Variants in TAS2R1 observed in about 807,000 individuals in gnomAD.
TAS2R1 encodes the protein taste receptor type 2 member 1.
For missense variants in TAS2R1, 370 were observed against 353.4 expected (o/e 1.05, Z -0.38); for synonymous variants, 141 against 134.2 (o/e 1.05, Z -0.35).
the TAS2R1 span, among the ~76,000 whole-genome samples, chr5:9,779,378 G>A: frequency 6.6e-6 from 1 of 152,186 alleles, no homozygotes; most frequent in Non-Finnish European, 1.5e-5. Flanking sequence ...ATTACTCAGT[G>A]TCAGGTATTC....
the TAS2R1 span, among the ~76,000 whole-genome samples, chr5:9,836,488 C>T: frequency 6.7e-6 from 1 of 148,580 alleles, no homozygotes; most frequent in Non-Finnish European, 1.5e-5. Flanking sequence ...AGCATCCCTC[C>T]ATACGCCCCA....
Position 9,678,171 on chromosome 5 carries a change from A to G in TAS2R1, c.-241-18590T>C, listed in dbSNP as rs147710223. Among the ~76,000 whole-genome samples the G allele has an allele frequency of 1.2e-3, 189 of 152,304 alleles. 1 individual carries two copies. Among genetic ancestry groups the G allele is most frequent in the African/African-American group, 4.4e-3 (181 of 41,558 alleles). ...GAAGACATTAATGCAGCTAACAAAC[A>G]TATGAAAAAAACCTCAACATCACTG... On this transcript the variant is annotated intron_variant, in intron 1 of 2. Coordinates refer to the TAS2R1 transcript ENST00000506620.
the TAS2R1 span, among the ~76,000 whole-genome samples, chr5:9,894,517 A>G: frequency 6.6e-6 from 1 of 152,250 alleles, no homozygotes; most frequent in Non-Finnish European, 1.5e-5. Flanking sequence ...AGCCATCTGC[A>G]AACCCTGGAG....
upstream of TAS2R1, among the ~76,000 whole-genome samples, chr5:9,715,838 T>G (rs1214148480): frequency 2.0e-5 from 3 of 152,130 alleles, no homozygotes; most frequent in Middle Eastern, 6.3e-3. Context: ...ATGCCTTCAG[T>G]GAGCAGGGAA....
chr5:9,816,195 T>A, the TAS2R1 span, among the ~76,000 whole-genome samples: 1 of 151,810 alleles, frequency 6.6e-6, no homozygotes. Context: ...CTATACACTG[T>A]TTTGATTCTT....
At chr5:9,663,530 C>T (rs888104877) in intron 1 of TAS2R1, among the ~76,000 whole-genome samples, 1 of 152,058 alleles carries the variant, frequency 6.6e-6, no homozygotes, top group African/African-American at 2.4e-5. Context: ...TACCTGAACC[C>T]AAATTAGGGA....
At chr5:9,719,929 A>AC in the TAS2R1 span, among the ~76,000 whole-genome samples, 1 of 140,098 alleles carries the variant, frequency 7.1e-6, no homozygotes, top group African/African-American at 2.7e-5. Context: ...AAAAAAAAAA[A>AC]AAAAAAAAAC....
At chr5:9,728,973 A>G in the TAS2R1 span, among the ~76,000 whole-genome samples, 9 of 152,190 alleles carry the variant, frequency 5.9e-5, no homozygotes, top group Non-Finnish European at 1.5e-5. Flanking sequence ...TGAGGAGACA[A>G]AGCCTGAGCT....
At chr5:9,701,223 C>CAT (rs1191091825) in intron 1 of TAS2R1, among the ~76,000 whole-genome samples, 2 of 4,194 alleles carry the variant, frequency 4.8e-4, no homozygotes, top group Admixed American at 3.0e-3. Context: ...GACACGCAGA[C>CAT]ACACACACAC....
intron 1 of TAS2R1, among the ~76,000 whole-genome samples, chr5:9,691,562 G>A (rs1462787916): frequency 1.3e-5 from 2 of 152,244 alleles, no homozygotes; most frequent in Non-Finnish European, 2.9e-5. Flanking sequence ...AGATGAGCAT[G>A]CCCTTATTTC....
At chr5:9,736,797 T>C in the TAS2R1 span, among the ~76,000 whole-genome samples, 1 of 152,140 alleles carries the variant, frequency 6.6e-6, no homozygotes, top group African/African-American at 2.4e-5. Context: ...GAGCTCCACC[T>C]TGTCAAGTAT....
chr5:9,757,475 G>T, the TAS2R1 span, among the ~76,000 whole-genome samples: 1 of 152,142 alleles, frequency 6.6e-6, no homozygotes, highest in African/African-American at 2.4e-5. Context: ...GAATAGCACG[G>T]CTCATGAACA....
chr5:9,763,628 T>C, the TAS2R1 span, among the ~76,000 whole-genome samples: 10 of 152,160 alleles, frequency 6.6e-5, no homozygotes. Context: ...ATGAACCAGA[T>C]GTGCAGCAAC....
At chr5:9,825,907 G>T in the TAS2R1 span, among the ~76,000 whole-genome samples, 1 of 151,802 alleles carries the variant, frequency 6.6e-6, no homozygotes, top group Non-Finnish European at 1.5e-5. Flanking sequence ...ACCTTTCTTG[G>T]CCTGAAATAA....
chr5:9,725,347 T>C, the TAS2R1 span, among the ~76,000 whole-genome samples: 1 of 152,196 alleles, frequency 6.6e-6, no homozygotes, highest in Non-Finnish European at 1.5e-5. Context: ...CGCGCGGAGC[T>C]TGTGGGCCAG....
At chr5:9,702,378 G>A (rs993834518) in intron 1 of TAS2R1, among the ~76,000 whole-genome samples, 1 of 152,134 alleles carries the variant, frequency 6.6e-6, no homozygotes, top group Non-Finnish European at 1.5e-5. Context: ...GGAGAGGGTT[G>A]CAACTGGCAT....
the TAS2R1 span, among the ~76,000 whole-genome samples, chr5:9,840,885 T>C: frequency 2.1e-5 from 2 of 96,834 alleles, no homozygotes; most frequent in East Asian, 3.1e-4. Context: ...TTTTTTTTTT[T>C]TTTTTTTTGA....
the TAS2R1 span, among the ~76,000 whole-genome samples, chr5:9,781,050 T>C: frequency 2.6e-5 from 4 of 152,338 alleles, no homozygotes; most frequent in Non-Finnish European, 2.9e-5. Context: ...ATATATTTTA[T>C]GTAGGATATA....
chr5:9,779,093 G>A, the TAS2R1 span, among the ~76,000 whole-genome samples: 182 of 152,328 alleles, frequency 1.2e-3, 5 homozygotes, highest in East Asian at 0.033. Context: ...TTTGGGCCAT[G>A]GTGGCATATC....
Sources: allele counts gnomAD v4.1 joint callset (sites outside exome capture counted in the v4.1 genomes callset), GRCh38; gene constraint gnomAD v4.1.1; transcripts MANE v1.5; gene names NCBI Gene and HGNC (gene_info 2026-07-23, HGNC 2026-07-21).